Variants in DPP6 observed in about 807,000 individuals in gnomAD.
DPP6 encodes A-type potassium channel modulatory protein DPP6.
DPP6 carries 69 observed loss-of-function variants against 122.6 expected under a neutral mutation model. The observed-to-expected ratio is 0.56, with a 90% CI of 0.46 to 0.69. The LOEUF is 0.69. Ranked by LOEUF, DPP6 falls within the 30% of genes least tolerant of loss-of-function variation. DPP6 has a pLI of 0.00. For synonymous variants in DPP6, 418 were observed against 433.1 expected, an observed-to-expected ratio of 0.97 and a Z score of 0.43; for missense variants, 928 against 1,116.9, an observed-to-expected ratio of 0.83 and a Z score of 2.41.
At chr7:154,787,130 G>A (rs908227186) in intron 10 of DPP6, among the ~76,000 whole-genome samples, 1 of 152,208 alleles carries the variant, frequency 6.6e-6, no homozygotes, top group Admixed American at 6.5e-5. Context: ...ACTAACTTAA[G>A]TTGGAGACTT....
chr7:153,868,110 C>A, the DPP6 span, among the ~76,000 whole-genome samples: 1 of 151,912 alleles, frequency 6.6e-6, no homozygotes, highest in Non-Finnish European at 1.5e-5. Flanking sequence ...GTCTAAAATT[C>A]TCTTTTTTGG....
chr7:154,450,389 G>T (rs1038970218), intron 2 of DPP6, among the ~76,000 whole-genome samples: 8 of 152,154 alleles, frequency 5.3e-5, no homozygotes, highest in African/African-American at 1.9e-4. Context: ...ACACTGAATT[G>T]TATACATTAA....
chr7:154,052,482 T>C lies in DPP6; in HGVS notation c.-339T>C. 1 of 377,412 alleles carries C rather than the reference T, an allele frequency of 2.6e-6. No individual in the cohort carries two copies. Among genetic ancestry groups the C allele is most frequent in the Non-Finnish European group, 3.7e-6 (1 of 266,806 alleles). 23.4% of individuals were successfully genotyped at this position (377,412 alleles called of 1,614,324 possible). ...TTATGTTTTTGGTTTTTTTTCTTCCTTCAATCTCTTTGATTAGGCCGTACG... is the reference window on the plus strand; with the variant it reads ...TTATGTTTTTGGTTTTTTTTCTTCCCTCAATCTCTTTGATTAGGCCGTACG... On this transcript the variant is annotated 5_prime_UTR_variant, in exon 1 of 26. Transcript: ENST00000377770. The surrounding 1 kb of genome is among the most constrained non-coding windows in gnomAD (Gnocchi z 4.8).
At chr7:154,366,277 T>G (rs1812181442) in intron 1 of DPP6, among the ~76,000 whole-genome samples, 1 of 152,120 alleles carries the variant, frequency 6.6e-6, no homozygotes, top group Non-Finnish European at 1.5e-5. Context: ...GACTAGCTGG[T>G]AAAACGAGTG....
intron 3 of DPP6, among the ~76,000 whole-genome samples, chr7:154,527,660 C>G (rs763634713): frequency 4.6e-5 from 7 of 152,072 alleles, no homozygotes; most frequent in South Asian, 2.1e-4. Flanking sequence ...AAATTAAAAT[C>G]TATTACTATG....
At chr7:154,379,061 A>G (rs1813368706) in intron 1 of DPP6, among the ~76,000 whole-genome samples, 1 of 152,092 alleles carries the variant, frequency 6.6e-6, no homozygotes, top group Non-Finnish European at 1.5e-5. Context: ...CAAAGGCTCC[A>G]CCTCCTACTA....
chr7:153,901,361 G>A (rs886298107), intron 1 of DPP6, among the ~76,000 whole-genome samples: 1 of 152,196 alleles, frequency 6.6e-6, no homozygotes, highest in African/African-American at 2.4e-5. Context: ...TTTAAGAGAT[G>A]AAGAAGAGCT....
Position 154,803,914 on chromosome 7 carries a change from C to A in DPP6, c.1458C>A (p.Asp486Glu). ...NIQSITSGDW[D>E]VTKILAYDEK... is the part of the protein sequence containing the mutation. ...AGTCCATCACCTCCGGGGACTGGGACGTGACCAAGATCCTAGCCTACGATG... is the reference window on the plus strand; with the variant it reads ...AGTCCATCACCTCCGGGGACTGGGAAGTGACCAAGATCCTAGCCTACGATG... The change falls in exon 14 of 26, where the codon GAC becomes GAA. Residue 486 changes from aspartate to glutamate, a missense_variant. By Grantham distance (45) the Asp-to-Glu change is conservative. Transcript: ENST00000377770. 6.2e-7 allele frequency: 1 copy of A among 1,613,892 alleles called. No individual in the cohort carries two copies. The highest frequency in any genetic ancestry group is 8.5e-7 in the Non-Finnish European group (1 of 1,179,840).
At chr7:154,034,573 C>A (rs1480012580) in intron 1 of DPP6, among the ~76,000 whole-genome samples, 1 of 152,106 alleles carries the variant, frequency 6.6e-6, no homozygotes, top group Non-Finnish European at 1.5e-5. Context: ...TCAATGATTT[C>A]TCTTTTGCCT....
At chr7:154,803,656 G>T (rs951801022) in intron 13 of DPP6, among the ~76,000 whole-genome samples, 1 of 152,170 alleles carries the variant, frequency 6.6e-6, no homozygotes, top group African/African-American at 2.4e-5. Context: ...TTCGGGGGTC[G>T]GGGAGGCTGC....
rs201321564 is a variant in DPP6 at position 154,079,008 on chromosome 7, T to C, written c.243+25945T>C. Among the ~76,000 whole-genome samples, 52 of 149,236 alleles carry C rather than the reference T, an allele frequency of 3.5e-4. 1 individual carries two copies. The highest frequency in any genetic ancestry group is 9.8e-4 in the African/African-American group (40 of 40,636). ...GTGTGGTGGCTCACGCCTGTAATCC[T>C]AGCACTTTGGGAGGCCGAGGTGGGT... On this transcript the variant is annotated intron_variant, in intron 1 of 25. Coordinates refer to ENST00000377770, the MANE Select transcript of DPP6 (RefSeq NM_130797.4).
chr7:153,771,605 G>T, the DPP6 span, among the ~76,000 whole-genome samples: 1 of 152,184 alleles, frequency 6.6e-6, no homozygotes, highest in Non-Finnish European at 1.5e-5. Context: ...CTCCCAAAGT[G>T]CTGGGGTTAC....
chr7:153,808,386 CGTGTGTGCCTGT>C, the DPP6 span, among the ~76,000 whole-genome samples: 105 of 144,294 alleles, frequency 7.3e-4, 3 homozygotes, highest in East Asian at 0.017. Context: ...CCTGTGTGTG[CGTGTGTGCCTGT>C]GTGTGTGCCT....
At chr7:154,446,157 CTTATT>C (rs1327582749) in intron 1 of DPP6, 52 bp from the exon 2 acceptor site, 26 of 1,101,638 alleles carry the variant, frequency 2.4e-5, no homozygotes, top group Non-Finnish European at 3.5e-5. Flanking sequence ...GTCTATTTGG[CTTATT>C]TTATTTCCTT....
chr7:154,586,462 C>A (rs1832457602), intron 5 of DPP6, among the ~76,000 whole-genome samples: 1 of 152,064 alleles, frequency 6.6e-6, no homozygotes, highest in African/African-American at 2.4e-5. Flanking sequence ...GAGAAATTTG[C>A]TGGAGGGCCT....
At chr7:154,774,976 G>A (rs1796473485) in intron 10 of DPP6, among the ~76,000 whole-genome samples, 2 of 152,190 alleles carry the variant, frequency 1.3e-5, no homozygotes, top group Non-Finnish European at 2.9e-5. Flanking sequence ...TGACATTTGG[G>A]GCTCAGCAAT....
chr7:154,889,830 C>A, intron 25 of DPP6: 2 of 407,766 alleles, frequency 4.9e-6, no homozygotes, highest in Non-Finnish European at 8.9e-6. Context: ...CAAGCCAGCA[C>A]CCACCCTGCC....
chr7:154,181,137 A>G lies in DPP6; in HGVS notation c.243+128074A>G, dbSNP rs1453999451. Reference sequence around the variant, plus strand: ...CTTTGTTTCCATATTGACATGATCAACAGGCTACCCACAGATCTGATGCAT... The same window carrying G: ...CTTTGTTTCCATATTGACATGATCAGCAGGCTACCCACAGATCTGATGCAT... On this transcript the variant is annotated intron_variant, in intron 1 of 25. Coordinates refer to ENST00000377770, the MANE Select transcript of DPP6 (RefSeq NM_130797.4). Among the ~76,000 whole-genome samples, 8 of 152,226 alleles carry G rather than the reference A, an allele frequency of 5.3e-5. No homozygotes were observed. In the East Asian group the frequency reaches 1.3e-3, roughly 26 times the overall value.
intron 1 of DPP6, among the ~76,000 whole-genome samples, chr7:154,231,792 C>T (rs1182139097): frequency 6.6e-6 from 1 of 152,212 alleles, no homozygotes; most frequent in Non-Finnish European, 1.5e-5. Context: ...GAAACAGCCA[C>T]CACTGCGGGC....
Sources: gnomAD v4.1 joint callset for allele counts (sites outside exome capture counted in the v4.1 genomes callset) on GRCh38, gnomAD v4.1.1 for gene constraint, Gnocchi (gnomAD v3.1) non-coding constraint, MANE v1.5 for transcripts, NCBI Gene and HGNC (gene_info 2026-07-23, HGNC 2026-07-21) for gene names.